The following FMNL2 variants were observed in gnomAD, a reference collection of about 807,000 sequenced individuals.
The protein encoded by FMNL2 is formin-like protein 2.
A neutral mutation model predicts 130.2 loss-of-function variants in FMNL2; 51 were observed. The ratio of observed to expected loss-of-function variants is 0.39; its 90% CI spans 0.31 to 0.49. The LOEUF (loss-of-function observed/expected upper bound fraction) is 0.49. Ranked by LOEUF, FMNL2 falls within the 20% of genes least tolerant of loss-of-function variation. FMNL2 has a pLI of 0.85. For synonymous variants in FMNL2, 465 were observed against 467.1 expected (o/e 1.00, Z 0.06); for missense variants, 977 against 1,316.2 (o/e 0.74, Z 3.99).
At chr2:152,449,855 C>G (rs1482637166) in intron 1 of FMNL2, among the ~76,000 whole-genome samples, 4 of 152,174 alleles carry the variant, frequency 2.6e-5, no homozygotes, top group African/African-American at 9.7e-5. Context: ...ACTGCATAAC[C>G]TTCCTACATT....
At chr2:152,449,915 A>G (rs1688542100) in intron 1 of FMNL2, among the ~76,000 whole-genome samples, 1 of 152,194 alleles carries the variant, frequency 6.6e-6, no homozygotes, top group Admixed American at 6.5e-5. Context: ...ATTCCATCCT[A>G]CATAGAAACC....
chr2:152,510,205 T>A (rs1692419761), intron 1 of FMNL2, among the ~76,000 whole-genome samples: 1 of 152,220 alleles, frequency 6.6e-6, no homozygotes, highest in African/African-American at 2.4e-5. Flanking sequence ...AAAAGGAGAT[T>A]AAAGATCTTG....
intron 1 of FMNL2, among the ~76,000 whole-genome samples, chr2:152,502,551 A>G (rs1189776101): frequency 6.6e-6 from 1 of 152,138 alleles, no homozygotes; most frequent in East Asian, 1.9e-4. Flanking sequence ...GCCAGGTGTG[A>G]TGGCAGGCAT....
rs550391473 is a variant in FMNL2 at position 152,618,758 on chromosome 2, T to A, written c.1315-88T>A. ...ATTCCCATTCATATGAGTATCTTTT[T>A]TTCTCTTTATCCTCAGTTTGCCAAT... On this transcript the variant is annotated intron_variant, in intron 13 of 25. Transcript: ENST00000288670. The A allele has an allele frequency of 7.6e-6, 9 of 1,191,004 alleles. No homozygotes were observed. In the African/African-American group the frequency reaches 1.2e-4, roughly 16 times the overall value. 73.8% of individuals were successfully genotyped at this position (1,191,004 alleles called of 1,614,324 possible).
intron 9 of FMNL2, among the ~76,000 whole-genome samples, chr2:152,596,998 C>T (rs1697805165): frequency 6.6e-6 from 1 of 152,188 alleles, no homozygotes; most frequent in Non-Finnish European, 1.5e-5. Flanking sequence ...AAATTTGTAA[C>T]AACATTCAGT....
At chr2:152,554,233 CCT>C (rs1181594471) in intron 4 of FMNL2, among the ~76,000 whole-genome samples, 2 of 152,084 alleles carry the variant, frequency 1.3e-5, no homozygotes, top group Admixed American at 1.3e-4. Flanking sequence ...ATGGTGAACC[CCT>C]GTCTCTATAA....
intron 21 of FMNL2, among the ~76,000 whole-genome samples, chr2:152,634,893 C>T (rs1313490218): frequency 6.6e-6 from 1 of 151,788 alleles, no homozygotes; most frequent in African/African-American, 2.4e-5. Context: ...TGGATCAGAC[C>T]AGCAGCAGAC....
intron 1 of FMNL2, among the ~76,000 whole-genome samples, chr2:152,453,939 TA>T (rs1381584235): frequency 6.6e-6 from 1 of 152,080 alleles, no homozygotes; most frequent in Non-Finnish European, 1.5e-5. Context: ...ATACCTCAGG[TA>T]TTGTATTGTG....
chr2:152,641,557 A>G (rs946471006), intron 25 of FMNL2, among the ~76,000 whole-genome samples: 3 of 152,206 alleles, frequency 2.0e-5, no homozygotes, highest in African/African-American at 4.8e-5. Flanking sequence ...TCTGTTGCAC[A>G]TGAATGTTGC....
At chr2:152,474,438 A>G (rs897285076) in intron 1 of FMNL2, among the ~76,000 whole-genome samples, 2 of 152,042 alleles carry the variant, frequency 1.3e-5, no homozygotes, top group Non-Finnish European at 2.9e-5. Flanking sequence ...TAATCCCAGC[A>G]TTTTGGGAGG....
At position 152,351,937 on chromosome 2, in the gene FMNL2, C is replaced by A. The variant is rs111563002; in HGVS notation, c.117+16217C>A. ...CTCATCGTGGTTTTGATTTGCATTT[C>A]TCTAATGACTAGTGATGATGAGCTC... On this transcript the variant is annotated intron_variant, in intron 1 of 25. Transcript: ENST00000288670. Among the ~76,000 whole-genome samples, 1,374 of 152,300 alleles carry A rather than the reference C, an allele frequency of 9.0e-3. 25 individuals are homozygous for A. Among genetic ancestry groups the A allele is most frequent in the African/African-American group, 0.031 (1,303 of 41,558 alleles).
intron 1 of FMNL2, among the ~76,000 whole-genome samples, chr2:152,389,749 G>T (rs1442087914): frequency 6.6e-6 from 1 of 152,190 alleles, no homozygotes; most frequent in Admixed American, 6.5e-5. Context: ...CGAGGGCGGC[G>T]TGCAGGAGCT....
intron 1 of FMNL2, among the ~76,000 whole-genome samples, chr2:152,343,881 A>G (rs2105742633): frequency 6.6e-6 from 1 of 152,226 alleles, no homozygotes; most frequent in African/African-American, 2.4e-5. Context: ...GGCCAGGTAC[A>G]GTGGCTCACG....
At chr2:152,463,180 G>A (rs546142772) in intron 1 of FMNL2, among the ~76,000 whole-genome samples, 5 of 152,180 alleles carry the variant, frequency 3.3e-5, no homozygotes, top group Non-Finnish European at 7.4e-5. Context: ...TCATTGCTTT[G>A]TAATGGAGAC....
intron 1 of FMNL2, among the ~76,000 whole-genome samples, chr2:152,418,434 C>G (rs950862729): frequency 3.3e-5 from 5 of 152,176 alleles, no homozygotes; most frequent in African/African-American, 4.8e-5. Flanking sequence ...CTGAAACTCT[C>G]TACCCATTAA....
chr2:152,500,948 C>T (rs1356492866), intron 1 of FMNL2, among the ~76,000 whole-genome samples: 6 of 152,210 alleles, frequency 3.9e-5, no homozygotes, highest in African/African-American at 1.4e-4. Context: ...CCTTGGCAAG[C>T]CTGTGAGTTA....
At position 152,408,471 on chromosome 2, in the gene FMNL2, C is replaced by T. The variant is rs1686117678; in HGVS notation, c.117+72751C>T. ...TGGCAAACTGCTGGCTTAGCATTTT[C>T]TTCCCTCTTGTCTGTTTTTCCCAAG... On this transcript the variant is annotated intron_variant, in intron 1 of 25. Coordinates refer to ENST00000288670, the MANE Select transcript of FMNL2 (RefSeq NM_052905.4). Among the ~76,000 whole-genome samples the T allele has an allele frequency of 2.0e-5, 3 of 152,102 alleles. No homozygotes were observed. The South Asian group carries it at 6.2e-4, about 32-fold the overall frequency.
intron 1 of FMNL2, among the ~76,000 whole-genome samples, chr2:152,361,521 C>T (rs935526710): frequency 6.6e-6 from 1 of 152,152 alleles, no homozygotes. Context: ...AAAATAATAT[C>T]ACAACAGAAG....
At chr2:152,420,733 T>G (rs1454614862) in intron 1 of FMNL2, among the ~76,000 whole-genome samples, 9 of 152,192 alleles carry the variant, frequency 5.9e-5, no homozygotes, top group Non-Finnish European at 1.3e-4. Flanking sequence ...GAAAAGTGAT[T>G]TGAATGGACC....
Sources: gnomAD v4.1 joint callset for allele counts (sites outside exome capture counted in the v4.1 genomes callset) on GRCh38, gnomAD v4.1.1 for gene constraint, MANE v1.5 for transcripts, NCBI Gene and HGNC (gene_info 2026-07-23, HGNC 2026-07-21) for gene names.